NOL10: variants seen among roughly 807,000 people sequenced by gnomAD.
NOL10 encodes the protein H_NH0074G24.1.
In NOL10, 58 loss-of-function variants were observed where a neutral mutation model predicts 103.5. The observed-to-expected ratio is 0.56, with a 90% CI of 0.45 to 0.70. The LOEUF is 0.70. Ranked by LOEUF, NOL10 falls within the 30% of genes least tolerant of loss-of-function variation. The pLI is 0.00. For missense variants in NOL10, 763 were observed against 807.3 expected (o/e 0.95, Z 0.67); for synonymous variants, 287 against 282.5 (o/e 1.02, Z -0.16).
At chr2:10,602,003 C>G (rs987006148) in intron 16 of NOL10, among the ~76,000 whole-genome samples, 25 of 152,236 alleles carry the variant, frequency 1.6e-4, no homozygotes, top group African/African-American at 6.0e-4. Context: ...AAGGCAGGTG[C>G]AGGAGCAGGG....
At chr2:10,602,379 G>A (rs1028897366) in intron 16 of NOL10, among the ~76,000 whole-genome samples, 12 of 152,164 alleles carry the variant, frequency 7.9e-5, no homozygotes, top group African/African-American at 1.4e-4. Context: ...TGCAGTTTAC[G>A]ACTGTCGACC....
intron 13 of NOL10, among the ~76,000 whole-genome samples, chr2:10,622,664 C>T (rs1677216387): frequency 6.6e-6 from 1 of 152,126 alleles, no homozygotes; most frequent in South Asian, 2.1e-4. Context: ...TTAGTGAGCA[C>T]TCAAGTCAGT....
intron 13 of NOL10, among the ~76,000 whole-genome samples, chr2:10,632,854 A>AACAGT (rs1480860767): frequency 1.3e-5 from 2 of 152,190 alleles, no homozygotes; most frequent in Non-Finnish European, 2.9e-5. Flanking sequence ...AAATAATAGC[A>AACAGT]ACAGTGTCTT....
intron 17 of NOL10, among the ~76,000 whole-genome samples, chr2:10,597,942 C>G (rs773041396): frequency 6.6e-6 from 1 of 152,132 alleles, no homozygotes; most frequent in Non-Finnish European, 1.5e-5. Context: ...AAATGCCATC[C>G]TGATAGTTAA....
At chr2:10,637,934 AGTC>A (rs71392248) in intron 13 of NOL10, among the ~76,000 whole-genome samples, 2 of 152,062 alleles carry the variant, frequency 1.3e-5, no homozygotes, top group South Asian at 2.1e-4. Flanking sequence ...TATTTTAAAC[AGTC>A]AAAATATTTT....
intron 11 of NOL10, 142 bp downstream of exon 11, chr2:10,657,596 AAAGT>A: frequency 1.7e-6 from 1 of 596,750 alleles, no homozygotes; most frequent in Admixed American, 3.4e-5. Context: ...TATCTATCCA[AAAGT>A]AACTGACCTC....
chr2:10,647,019 G>A (rs184253778), intron 12 of NOL10, among the ~76,000 whole-genome samples: 244 of 152,256 alleles, frequency 1.6e-3, no homozygotes, highest in Non-Finnish European at 2.9e-3. Flanking sequence ...GTAATAGTAC[G>A]TGACAGTACG....
At position 10,587,068 on chromosome 2, in the gene NOL10, C is replaced by CATAT. The variant is rs760492547; in HGVS notation, c.1844+1971_1844+1974dup. Among the ~76,000 whole-genome samples the CATAT allele has an allele frequency of 2.0e-4, 5 of 24,710 alleles. No homozygotes were observed. In the East Asian group the frequency reaches 2.8e-3, roughly 14 times the overall value. 16.2% of individuals were successfully genotyped at this position (24,710 alleles called of 152,430 possible). On this transcript the variant is annotated intron_variant, in intron 19 of 20. Coordinates refer to ENST00000381685, the MANE Select transcript of NOL10 (RefSeq NM_024894.4). ...GTATATATATATACATATATATATA[C>CATAT]ATATATATACATATATATACATATA...
intron 19 of NOL10, 70 bp downstream of exon 19, chr2:10,588,973 G>A: frequency 6.4e-7 from 1 of 1,572,372 alleles, no homozygotes; most frequent in Non-Finnish European, 8.6e-7. Context: ...CATCTTTAGG[G>A]CAATGTGCCA....
chr2:10,629,934 C>A (rs1235780314), intron 13 of NOL10, among the ~76,000 whole-genome samples: 2 of 152,108 alleles, frequency 1.3e-5, no homozygotes, highest in East Asian at 3.9e-4. Context: ...ACTACAAATG[C>A]ATACCACCAT....
chr2:10,689,376 T>C (rs535948639), intron 1 of NOL10, among the ~76,000 whole-genome samples: 3 of 152,326 alleles, frequency 2.0e-5, no homozygotes, highest in African/African-American at 4.8e-5. Context: ...TTGTTCACTG[T>C]TGTATCCCTA....
At chr2:10,661,774 T>TA (rs1045425145) in intron 9 of NOL10, among the ~76,000 whole-genome samples, 1 of 152,054 alleles carries the variant, frequency 6.6e-6, no homozygotes, top group Non-Finnish European at 1.5e-5. Flanking sequence ...ATCCAACACT[T>TA]ACACTTACTG....
intron 17 of NOL10, among the ~76,000 whole-genome samples, chr2:10,595,597 TGTTTTTGTTTG>T (rs1558277562): frequency 3.7e-5 from 5 of 133,922 alleles, no homozygotes; most frequent in Non-Finnish European, 3.2e-5. Context: ...TGTTTTGTTT[TGTTTTTGTTTG>T]TTTGTTTGTT....
chr2:10,624,554 A>G (rs1277099503), intron 13 of NOL10, among the ~76,000 whole-genome samples: 1 of 152,182 alleles, frequency 6.6e-6, no homozygotes, highest in Non-Finnish European at 1.5e-5. Flanking sequence ...ATTAGGTAAC[A>G]AAAGTCCAGG....
intron 13 of NOL10, among the ~76,000 whole-genome samples, chr2:10,614,061 G>C (rs1238377134): frequency 6.6e-6 from 1 of 151,676 alleles, no homozygotes; most frequent in Non-Finnish European, 1.5e-5. Flanking sequence ...CCGGGTTCAA[G>C]TGATTCTCCT....
At chr2:10,674,325 C>G (rs1681147433) in intron 4 of NOL10, among the ~76,000 whole-genome samples, 1 of 152,064 alleles carries the variant, frequency 6.6e-6, no homozygotes, top group African/African-American at 2.4e-5. Context: ...CCCTCAATCC[C>G]AAATTCTAGG....
intron 4 of NOL10, among the ~76,000 whole-genome samples, chr2:10,674,173 A>G (rs72777331): frequency 0.012 from 1,894 of 152,018 alleles, 22 homozygotes; most frequent in Non-Finnish European, 0.02. Context: ...AGCTGTGATC[A>G]TAACACTGCA....
intron 8 of NOL10, among the ~76,000 whole-genome samples, chr2:10,666,379 C>A (rs1413400245): frequency 6.6e-6 from 1 of 151,800 alleles, no homozygotes; most frequent in African/African-American, 2.4e-5. Flanking sequence ...CGGAGTCTCG[C>A]TCTGTCACCC....
chr2:10,627,324 T>A (rs1677533926), intron 13 of NOL10, among the ~76,000 whole-genome samples: 1 of 152,344 alleles, frequency 6.6e-6, no homozygotes, highest in East Asian at 1.9e-4. Context: ...GCTTTATCAT[T>A]GTAATACCTT....
Sources: allele counts gnomAD v4.1 joint callset (sites outside exome capture counted in the v4.1 genomes callset), GRCh38; gene constraint gnomAD v4.1.1; transcripts MANE v1.5; gene names NCBI Gene and HGNC (gene_info 2026-07-23, HGNC 2026-07-21).